The following MCF2L2 variants were observed in gnomAD, a reference collection of about 807,000 sequenced individuals.
The protein encoded by MCF2L2 is probable guanine nucleotide exchange factor MCF2L2.
Under a neutral mutation model 150.2 loss-of-function variants are expected in MCF2L2, and 102 were observed. The observed-to-expected ratio is 0.68, with a 90% confidence interval of 0.58 to 0.80. MCF2L2 has a LOEUF of 0.80. Ranked by LOEUF, MCF2L2 falls within the 30% of genes least tolerant of loss-of-function variation. The pLI, the probability that MCF2L2 is intolerant of heterozygous loss-of-function variation, is 0.00. For missense variants in MCF2L2, 1,256 were observed against 1,372.8 expected (o/e 0.91, Z 1.34); for synonymous variants, 465 against 491.3 (o/e 0.95, Z 0.71).
intron 5 of MCF2L2, among the ~76,000 whole-genome samples, chr3:183,332,219 C>T (rs534816155): frequency 5.9e-5 from 9 of 152,264 alleles, no homozygotes; most frequent in South Asian, 4.1e-4. Flanking sequence ...CAGACTCTGC[C>T]GTTTCTGGAG....
intron 7 of MCF2L2, among the ~76,000 whole-genome samples, chr3:183,315,067 C>T (rs1259301238): frequency 6.8e-6 from 1 of 148,040 alleles, no homozygotes; most frequent in Non-Finnish European, 1.5e-5. Flanking sequence ...CTCCTGAGTA[C>T]CTGGGATTAC....
intron 3 of MCF2L2, among the ~76,000 whole-genome samples, chr3:183,361,309 T>C (rs1334302889): frequency 6.6e-6 from 1 of 152,162 alleles, no homozygotes. Context: ...ATGCTGGTAA[T>C]GCTACTGTAC....
chr3:183,407,330 T>C (rs1455798430), intron 1 of MCF2L2, among the ~76,000 whole-genome samples: 1 of 152,232 alleles, frequency 6.6e-6, no homozygotes, highest in Non-Finnish European at 1.5e-5. Flanking sequence ...AAAATTGTTA[T>C]TATAGTTCTT....
intron 4 of MCF2L2, 68 bp downstream of exon 4, chr3:183,341,472 T>G (rs1378784824): frequency 8.6e-6 from 11 of 1,280,462 alleles, no homozygotes; most frequent in Non-Finnish European, 1.2e-5. Flanking sequence ...CCCAGGACTT[T>G]GATATGAAAT....
chr3:183,234,096 A>T (rs1203746361), intron 15 of MCF2L2, among the ~76,000 whole-genome samples: 1 of 152,188 alleles, frequency 6.6e-6, no homozygotes, highest in African/African-American at 2.4e-5. Flanking sequence ...AACGGTTTCT[A>T]TGTCAGAAGG....
chr3:183,211,119 G>A (rs947703686), intron 22 of MCF2L2, among the ~76,000 whole-genome samples: 2 of 152,082 alleles, frequency 1.3e-5, no homozygotes, highest in Admixed American at 6.5e-5. Context: ...CTGACGGAAG[G>A]GAAAAAAACA....
chr3:183,269,856 T>C (rs2108444614), intron 15 of MCF2L2: 1 of 1,613,898 alleles, frequency 6.2e-7, no homozygotes, highest in East Asian at 2.2e-5. Context: ...TATTCAGTTA[T>C]TTGCTACTTG....
chr3:183,216,295 T>C (rs920412021), intron 21 of MCF2L2, among the ~76,000 whole-genome samples: 2 of 151,122 alleles, frequency 1.3e-5, no homozygotes, highest in African/African-American at 4.9e-5. Flanking sequence ...ACAAGCAAAA[T>C]CATCTACCTC....
chr3:183,261,046 A>T (rs1725533263), intron 15 of MCF2L2, among the ~76,000 whole-genome samples: 1 of 152,228 alleles, frequency 6.6e-6, no homozygotes, highest in Admixed American at 6.5e-5. Flanking sequence ...AGTTGCAAAG[A>T]TATCTAATGT....
At chr3:183,327,873 A>T (rs1007255341) in intron 5 of MCF2L2, among the ~76,000 whole-genome samples, 3 of 152,032 alleles carry the variant, frequency 2.0e-5, no homozygotes, top group Admixed American at 6.6e-5. Context: ...AGTTCCTAAA[A>T]CTCTTATAAT....
intron 4 of MCF2L2, 125 bp downstream of exon 4, chr3:183,341,415 T>A (rs1730689995): frequency 2.8e-6 from 2 of 709,926 alleles, no homozygotes; most frequent in Admixed American, 4.4e-5. Flanking sequence ...TAACAGCACC[T>A]GTTACAAAGA....
chr3:183,311,887 G>C, intron 7 of MCF2L2, 115 bp from the exon 8 acceptor site: 1 of 907,162 alleles, frequency 1.1e-6, no homozygotes, highest in Admixed American at 3.1e-5. Context: ...ATTAAATGCT[G>C]ATGAAGTCAA....
At chr3:183,184,759 A>G (rs1721637117) in intron 27 of MCF2L2, among the ~76,000 whole-genome samples, 1 of 152,240 alleles carries the variant, frequency 6.6e-6, no homozygotes, top group African/African-American at 2.4e-5. Flanking sequence ...TGAAGACAAA[A>G]TCATGGTGTT....
intron 15 of MCF2L2, among the ~76,000 whole-genome samples, chr3:183,262,812 G>T (rs1027557978): frequency 6.6e-6 from 1 of 152,118 alleles, no homozygotes; most frequent in Non-Finnish European, 1.5e-5. Flanking sequence ...GAACAGTCAC[G>T]TAGCACTGAA....
chr3:183,384,873 T>G (rs745344922), intron 2 of MCF2L2, among the ~76,000 whole-genome samples: 1 of 152,170 alleles, frequency 6.6e-6, no homozygotes, highest in Non-Finnish European at 1.5e-5. Flanking sequence ...CTTGCAGATA[T>G]AGTATCTATA....
At chr3:183,302,438 G>A (rs1353798283) in intron 10 of MCF2L2, among the ~76,000 whole-genome samples, 2 of 152,160 alleles carry the variant, frequency 1.3e-5, no homozygotes, top group Non-Finnish European at 1.5e-5. Flanking sequence ...TAGCAGGAAG[G>A]AGGCCAGTGT....
chr3:183,231,396 T>C (rs1723553518), intron 15 of MCF2L2, among the ~76,000 whole-genome samples: 1 of 129,776 alleles, frequency 7.7e-6, no homozygotes, highest in Non-Finnish European at 1.6e-5. Flanking sequence ...ACCCCCTATA[T>C]TGTATACATT....
Position 183,206,178 on chromosome 3 carries a change from T to TCC in MCF2L2, c.2747_2748dup (p.Ser917GlyfsTer34), listed in dbSNP as rs746845913. 1 of 1,614,044 alleles carries TCC rather than the reference T, an allele frequency of 6.2e-7. No homozygotes were observed. The highest frequency in any genetic ancestry group is 2.2e-5 in the East Asian group (1 of 44,864). On this transcript the variant is annotated frameshift_variant, in exon 24 of 30. Transcript: ENST00000328913. LOFTEE classifies it high-confidence loss of function. ...CTGGCAATCTCAAACTTTCTATGGC[T>TCC]CCCCCTTCCAAGCTGGCGAATTGAA...
In MCF2L2 at chr3:183,278,283, T is replaced by TTGTG. The variant is rs144622953; in HGVS notation, c.1777-1330_1777-1327dup. The stretch of plus-strand genomic sequence containing the variant: ...ATCAGTTACGATGTAAATGAAAAAA[T>TTGTG]TGTGTGTGTGTGTGTGTGTGTGTGT... On this transcript the variant is annotated intron_variant, in intron 14 of 29. Transcript: ENST00000328913. Among the ~76,000 whole-genome samples the TTGTG allele has an allele frequency of 3.1e-3, 423 of 138,524 alleles. 3 individuals carry two copies. Among genetic ancestry groups the TTGTG allele is most frequent in the Middle Eastern group, 0.011 (3 of 272 alleles). 90.9% of individuals were successfully genotyped at this position (138,524 alleles called of 152,430 possible).
Sources: gnomAD v4.1 joint callset for allele counts (sites outside exome capture counted in the v4.1 genomes callset) on GRCh38, gnomAD v4.1.1 for gene constraint, MANE v1.5 for transcripts, NCBI Gene and HGNC (gene_info 2026-07-23, HGNC 2026-07-21) for gene names.